ROBO1: variants seen among roughly 807,000 people sequenced by gnomAD.
ROBO1 encodes roundabout guidance receptor 1, also known as roundabout homolog 1.
A neutral mutation model predicts 195.9 loss-of-function variants in ROBO1; 149 were observed. The ratio of observed to expected loss-of-function variants is 0.76; its 90% confidence interval spans 0.67 to 0.87. ROBO1 has a LOEUF of 0.87. ROBO1 is among the 40% of genes least tolerant of loss of function. The pLI, the probability that ROBO1 is intolerant of heterozygous loss-of-function variation, is 0.00. For missense variants in ROBO1, 1,933 were observed against 2,068.3 expected, an observed-to-expected ratio of 0.93 and a Z score of 1.27; for synonymous variants, 816 against 733.2, an observed-to-expected ratio of 1.11 and a Z score of -1.82.
chr3:79,413,430 T>C (rs547498533), intron 2 of ROBO1, among the ~76,000 whole-genome samples: 10 of 150,688 alleles, frequency 6.6e-5, no homozygotes, highest in Non-Finnish European at 5.9e-5. Flanking sequence ...ATGAGTGAAA[T>C]AGGCTGGGTA....
intron 4 of ROBO1, among the ~76,000 whole-genome samples, chr3:78,788,151 T>C (rs1576166679): frequency 6.6e-6 from 1 of 151,164 alleles, no homozygotes; most frequent in Non-Finnish European, 1.5e-5. Flanking sequence ...AGTCTGGCTC[T>C]GTCGCCCAGG....
intron 1 of ROBO1, among the ~76,000 whole-genome samples, chr3:79,595,435 C>T (rs1560023685): frequency 6.6e-6 from 1 of 152,018 alleles, no homozygotes; most frequent in Non-Finnish European, 1.5e-5. Flanking sequence ...ATTTCTTCTT[C>T]TGAAACTCTT....
intron 3 of ROBO1, among the ~76,000 whole-genome samples, chr3:79,041,590 G>C (rs2078488524): frequency 6.6e-6 from 1 of 152,154 alleles, no homozygotes; most frequent in African/African-American, 2.4e-5. Flanking sequence ...GTGACAGAGA[G>C]TGGAAGATAT....
At chr3:78,716,374 G>A (rs934078476) in intron 7 of ROBO1, among the ~76,000 whole-genome samples, 3 of 151,876 alleles carry the variant, frequency 2.0e-5, no homozygotes, top group Non-Finnish European at 4.4e-5. Flanking sequence ...TTCACAGGGC[G>A]ACAGGAGAGA....
intron 2 of ROBO1, among the ~76,000 whole-genome samples, chr3:79,166,986 C>T (rs1432320761): frequency 3.3e-5 from 5 of 151,936 alleles, no homozygotes; most frequent in Non-Finnish European, 2.9e-5. Context: ...ATGCCTGAGG[C>T]GATGTGCACA....
At chr3:79,581,641 T>C (rs2107790255) in intron 2 of ROBO1, among the ~76,000 whole-genome samples, 1 of 152,282 alleles carries the variant, frequency 6.6e-6, no homozygotes, top group East Asian at 1.9e-4. Flanking sequence ...TGCTATTTTT[T>C]CCCTTAAGTA....
At chr3:79,728,156 T>A (rs1252034749) in intron 1 of ROBO1, among the ~76,000 whole-genome samples, 1 of 152,110 alleles carries the variant, frequency 6.6e-6, no homozygotes, top group African/African-American at 2.4e-5. Flanking sequence ...ACAGGAAATT[T>A]TTTTTAGTTA....
intron 2 of ROBO1, among the ~76,000 whole-genome samples, chr3:79,229,262 A>G (rs2082280525): frequency 6.6e-6 from 1 of 152,096 alleles, no homozygotes; most frequent in Admixed American, 6.6e-5. Context: ...TTCCGTAAAG[A>G]ACAATTCTAG....
chr3:78,705,335 C>A (rs545993931), intron 8 of ROBO1, among the ~76,000 whole-genome samples: 1 of 152,320 alleles, frequency 6.6e-6, no homozygotes, highest in South Asian at 2.1e-4. Flanking sequence ...TGCATAAGCA[C>A]CCCATAATCC....
chr3:78,909,126 T>C (rs1263553462), intron 4 of ROBO1, among the ~76,000 whole-genome samples: 1 of 151,836 alleles, frequency 6.6e-6, no homozygotes, highest in Non-Finnish European at 1.5e-5. Flanking sequence ...GAGCTCTCCA[T>C]TGCGGAAATA....
intron 2 of ROBO1, among the ~76,000 whole-genome samples, chr3:79,330,273 G>GTATATATATATATATATATATATATA (rs34794861): frequency 7.3e-6 from 1 of 137,860 alleles, no homozygotes; most frequent in African/African-American, 2.6e-5. Context: ...GTATATATAT[G>GTATATATATATATATATATATATATA]TATATATATA....
In ROBO1 at chr3:78,717,360, T is replaced by C. The variant is rs1184952825; in HGVS notation, c.832A>G (p.Ser278Gly). The C allele has an allele frequency of 6.2e-7, 1 of 1,613,482 alleles. No individual in the cohort carries two copies. The highest frequency in any genetic ancestry group is 8.5e-7 in the Non-Finnish European group (1 of 1,179,554). The change falls in exon 7 of 31, where the codon AGT becomes GGT. Residue 278 changes from serine (S) to glycine (G), a missense_variant. Ser to Gly is a moderately conservative substitution (Grantham distance 56). This residue lies in a region of ROBO1 where 1,737 missense variants were observed against 1,882.5 expected (regional missense o/e 0.92). Coordinates refer to ENST00000464233, the MANE Select transcript of ROBO1 (RefSeq NM_002941.4). Reference sequence around the variant, plus strand: ...CGGGCCTCACATTTAAATTCTGCACTGTCATCCACAGTTACTGCCAAGTTA... The same window carrying C: ...CGGGCCTCACATTTAAATTCTGCACCGTCATCCACAGTTACTGCCAAGTTA... ...PSNLAVTVDDSAEFKCEARGD... is the reference protein window; with the variant it reads ...PSNLAVTVDDGAEFKCEARGD...
intron 2 of ROBO1, among the ~76,000 whole-genome samples, chr3:79,295,103 T>C (rs955432149): frequency 6.6e-6 from 1 of 152,160 alleles, no homozygotes; most frequent in Non-Finnish European, 1.5e-5. Context: ...ACTGGGTATA[T>C]ACCCAAAGGA....
intron 2 of ROBO1, among the ~76,000 whole-genome samples, chr3:79,324,928 G>A (rs559382365): frequency 6.6e-6 from 1 of 152,306 alleles, no homozygotes; most frequent in African/African-American, 2.4e-5. Context: ...GGAAAGTATA[G>A]TCTTCGAGTT....
intron 2 of ROBO1, among the ~76,000 whole-genome samples, chr3:79,575,469 CATAT>C (rs1177572096): frequency 9.0e-6 from 1 of 110,804 alleles, no homozygotes; most frequent in Non-Finnish European, 1.8e-5. Context: ...ATAACAAATA[CATAT>C]ATAAATATAT....
intron 1 of ROBO1, among the ~76,000 whole-genome samples, chr3:79,631,087 A>T (rs1945326723): frequency 6.6e-6 from 1 of 151,986 alleles, no homozygotes; most frequent in South Asian, 2.1e-4. Flanking sequence ...ATCAATCAAC[A>T]GATTCAATGA....
At chr3:78,943,389 C>T (rs1278658461) in intron 3 of ROBO1, among the ~76,000 whole-genome samples, 1 of 152,146 alleles carries the variant, frequency 6.6e-6, no homozygotes, top group African/African-American at 2.4e-5. Context: ...ATAGCGAAAC[C>T]ACAACCAGTA....
intron 4 of ROBO1, among the ~76,000 whole-genome samples, chr3:78,850,666 C>T (rs955974491): frequency 1.5e-4 from 23 of 152,086 alleles, no homozygotes; most frequent in African/African-American, 5.3e-4. Context: ...ATGAGATAAC[C>T]TCAAGATAGG....
At chr3:78,718,730 A>G (rs2081963077) in intron 5 of ROBO1, among the ~76,000 whole-genome samples, 1 of 150,798 alleles carries the variant, frequency 6.6e-6, no homozygotes, top group African/African-American at 2.4e-5. Flanking sequence ...AAATTTCCAG[A>G]ATGTTTATTC....
Sources: allele counts gnomAD v4.1 joint callset (sites outside exome capture counted in the v4.1 genomes callset), GRCh38; gene constraint gnomAD v4.1.1; regional missense constraint gnomAD v4.1.1; transcripts MANE v1.5; gene names NCBI Gene and HGNC (gene_info 2026-07-23, HGNC 2026-07-21).